Variants in COPE observed in about 807,000 individuals in gnomAD.
COPE encodes coatomer subunit epsilon.
A neutral mutation model predicts 42.1 loss-of-function variants in COPE; 19 were observed. The observed-to-expected ratio is 0.45, with a 90% CI of 0.31 to 0.66. COPE has a LOEUF of 0.66. Ranked by LOEUF, COPE falls within the 30% of genes least tolerant of loss-of-function variation. COPE has a pLI of 0.05. For synonymous variants in COPE, 195 were observed against 181.3 expected (o/e 1.08, Z -0.60); for missense variants, 402 against 416.1 (o/e 0.97, Z 0.30).
chr19:18,905,782 C>T (rs1379292451), intron 4 of COPE, 153 bp from the exon 5 acceptor site: 2 of 693,358 alleles, frequency 2.9e-6, no homozygotes, highest in Non-Finnish European at 4.7e-6. Flanking sequence ...CACCCTCACT[C>T]CCACATTTCA....
intron 1 of COPE, among the ~76,000 whole-genome samples, chr19:18,918,563 G>C (rs945132124): frequency 6.6e-6 from 1 of 151,924 alleles, no homozygotes; most frequent in Non-Finnish European, 1.5e-5. Flanking sequence ...TCAGCCTCCC[G>C]GTAGCTGAGA....
chr19:18,919,119 G>T, intron 1 of COPE, 104 bp downstream of exon 1: 1 of 1,304,268 alleles, frequency 7.7e-7, no homozygotes, highest in Non-Finnish European at 1.1e-6. Flanking sequence ...CAAAAAACGC[G>T]AGAAGAAAAG....
At chr19:18,902,658 C>A in intron 7 of COPE, among the ~76,000 whole-genome samples, 1 of 76,150 alleles carries the variant, frequency 1.3e-5, no homozygotes, top group African/African-American at 7.1e-5. Flanking sequence ...GAGTGAGACT[C>A]CATCTCAAAA....
intron 3 of COPE, chr19:18,910,562 G>C (rs1489763465): frequency 5.3e-6 from 1 of 186,980 alleles, no homozygotes; most frequent in African/African-American, 2.3e-5. Context: ...CTCCAGCCTG[G>C]TGACAGAGTG....
At position 18,905,593 on chromosome 19, in the gene COPE, G is replaced by GT. The variant is rs772760644; in HGVS notation, c.479dup (p.Asp160GlufsTer37). 1 of 1,593,298 alleles carries GT rather than the reference G, an allele frequency of 6.3e-7. No individual in the cohort carries two copies. The highest frequency in any genetic ancestry group is 8.5e-7 in the Non-Finnish European group (1 of 1,177,506). On this transcript the variant is annotated frameshift_variant, in exon 5 of 10. Coordinates refer to ENST00000262812, the MANE Select transcript of COPE (RefSeq NM_007263.4). LOFTEE classifies it high-confidence loss of function. ...GGGCTCACCGGGCGAGGTCCAGGCG[G>GT]TCCAGCTTCAGCAGGATCTGCACTG...
rs2145093102 is a variant in COPE, at chr19:18,919,241, G to A, written c.108C>T (p.Asn36=). The A allele has an allele frequency of 1.2e-6, 2 of 1,613,126 alleles. No individual in the cohort carries two copies. Among genetic ancestry groups the A allele is most frequent in the South Asian group, 1.1e-5 (1 of 91,048 alleles). ...GCCGCACCTTCACCCGCTGCGCCTC[G>A]TTTATGCACTGCTGGTAGCTGCCGA... The part of the protein sequence containing the change: ...FYIGSYQQCI[N]EAQRVKLSSP... The change falls in exon 1 of 10, where the codon AAC becomes AAT. Residue 36 remains asparagine, a synonymous_variant. Coordinates refer to ENST00000262812, the MANE Select transcript of COPE (RefSeq NM_007263.4).
chr19:18,918,659 G>A (rs2145091306), intron 1 of COPE, among the ~76,000 whole-genome samples: 1 of 152,292 alleles, frequency 6.6e-6, no homozygotes, highest in African/African-American at 2.4e-5. Flanking sequence ...GAACTCCTGG[G>A]CGCATGCGAT....
intron 2 of COPE, 148 bp downstream of exon 2, chr19:18,912,836 G>A (rs1035610062): frequency 1.3e-5 from 9 of 677,616 alleles, no homozygotes; most frequent in East Asian, 2.8e-5. Context: ...TGCTGGCTGC[G>A]CTGGCTGTTC....
rs377139497 is a variant in COPE, at chr19:18,911,011, C to G, written c.250G>C (p.Val84Leu). 6.2e-7 allele frequency: 1 copy of G among 1,614,010 alleles called. No individual in the cohort carries two copies. Among genetic ancestry groups the G allele is most frequent in the Non-Finnish European group, 8.5e-7 (1 of 1,180,018 alleles). ...KPSSAPELQAVRMFADYLAHE... is the reference protein window; with the variant it reads ...KPSSAPELQALRMFADYLAHE... ...GCGAGGTAGTCAGCAAACATGCGCACGGCCTGGAGCTCAGGGGCCGAGGAG... is the reference window on the plus strand; with the variant it reads ...GCGAGGTAGTCAGCAAACATGCGCAGGGCCTGGAGCTCAGGGGCCGAGGAG... The change falls in exon 3 of 10, where the codon GTG becomes CTG. Residue 84 changes from valine (V) to leucine (L), a missense_variant. Physicochemically the swap from Val to Leu is conservative, Grantham distance 32 (BLOSUM62 1). Coordinates refer to ENST00000262812, the MANE Select transcript of COPE (RefSeq NM_007263.4).
chr19:18,904,216 C>T (rs559611962), intron 6 of COPE, among the ~76,000 whole-genome samples: 13 of 152,350 alleles, frequency 8.5e-5, no homozygotes, highest in Middle Eastern at 3.4e-3. Context: ...CCACCCGCCT[C>T]GGCCTCCCGA....
chr19:18,912,985 T>C lies in COPE; in HGVS notation c.188A>G (p.Gln63Arg). 6.2e-7 allele frequency: 1 copy of C among 1,611,804 alleles called. No individual in the cohort carries two copies. Among genetic ancestry groups the C allele is most frequent in the Admixed American group, 1.7e-5 (1 of 60,014 alleles). The change falls in exon 2 of 10, where the codon CAG becomes CGG. Residue 63 changes from glutamine to arginine, a missense_variant and splice_region_variant. Coordinates refer to ENST00000262812, the MANE Select transcript of COPE (RefSeq NM_007263.4). ...DVFLYRAYLA[Q>R]RKFGVVLDEI... The stretch of plus-strand genomic sequence containing the variant: ...CCCCCGGCCAAGGCCCGCACTCACC[T>C]GCGCCAGGTACGCTCTATACAGGAA...
intron 1 of COPE, among the ~76,000 whole-genome samples, chr19:18,917,789 G>C (rs2056867675): frequency 6.6e-6 from 1 of 152,090 alleles, no homozygotes; most frequent in African/African-American, 2.4e-5. Flanking sequence ...TTCATACAAC[G>C]GGCCCCAGTA....
rs2056824272 is a variant in COPE at position 18,913,007 on chromosome 19, G to A, written c.166C>T (p.Leu56=). The change falls in exon 2 of 10, where the codon CTG becomes TTG. Residue 56 remains leucine, a synonymous_variant. Coordinates refer to ENST00000262812, the MANE Select transcript of COPE (RefSeq NM_007263.4). ...PERDVERDVF[L]YRAYLAQRKF... ...ACCTGCGCCAGGTACGCTCTATACA[G>A]GAAGACGTCCCTCTCCACGTCTCTC... The A allele has an allele frequency of 6.2e-7, 1 of 1,611,928 alleles. No homozygotes were observed. Among genetic ancestry groups the A allele is most frequent in the Non-Finnish European group, 8.5e-7 (1 of 1,179,936 alleles).
rs1298742610 is a variant in COPE at position 18,900,467 on chromosome 19, C to G, written c.736-18G>C. 6.5e-7 allele frequency: 1 copy of G among 1,542,240 alleles called. No individual in the cohort carries two copies. The highest frequency in any genetic ancestry group is 1.4e-5 in the African/African-American group (1 of 72,752). ...CCACTATCCTGGAGACACAGGCAGA[C>G]ACGGGGAGGCAGGGTCAGCCACTCC... On this transcript the variant is annotated intron_variant, in intron 7 of 9. Transcript: ENST00000262812.
chr19:18,908,971 C>T (rs1038435546), intron 3 of COPE, among the ~76,000 whole-genome samples: 1 of 152,140 alleles, frequency 6.6e-6, no homozygotes, highest in African/African-American at 2.4e-5. Context: ...GTATGCCAGG[C>T]TGAACGACAG....
chr19:18,905,876 G>A, intron 4 of COPE: 1 of 548,328 alleles, frequency 1.8e-6, no homozygotes, highest in Non-Finnish European at 3.2e-6. Flanking sequence ...CCGCCCATCT[G>A]GAGAAGCAGC....
chr19:18,902,301 C>T (rs1484632806), intron 7 of COPE, among the ~76,000 whole-genome samples: 1 of 151,228 alleles, frequency 6.6e-6, no homozygotes, highest in East Asian at 1.9e-4. Flanking sequence ...CTGGGCAACA[C>T]AGCAAGAACA....
intron 1 of COPE, 80 bp from the exon 2 acceptor site, chr19:18,913,126 C>T: frequency 1.6e-6 from 2 of 1,274,862 alleles, no homozygotes; most frequent in South Asian, 1.2e-5. Flanking sequence ...CAGACAGGCC[C>T]CTGTACACTG....
intron 3 of COPE, among the ~76,000 whole-genome samples, chr19:18,907,916 C>A (rs2056775872): frequency 6.6e-6 from 1 of 152,188 alleles, no homozygotes; most frequent in African/African-American, 2.4e-5. Flanking sequence ...CCAGGCTCCA[C>A]TGAGGGCTCG....
Sources: gnomAD v4.1 joint callset for allele counts (sites outside exome capture counted in the v4.1 genomes callset) on GRCh38, gnomAD v4.1.1 for gene constraint, MANE v1.5 for transcripts, NCBI Gene and HGNC (gene_info 2026-07-23, HGNC 2026-07-21) for gene names.